Variants in TMCC3 observed in about 807,000 individuals in gnomAD.
The protein encoded by TMCC3 is transmembrane and coiled-coil domain protein 3.
TMCC3 carries 28 observed loss-of-function variants against 40.2 expected under a neutral mutation model. That is an observed-to-expected ratio of 0.70 (90% CI 0.52 to 0.95). The LOEUF is 0.95. Among genes scored for constraint, TMCC3 ranks in the 40% least tolerant of loss-of-function variants. The pLI, the probability that TMCC3 is intolerant of heterozygous loss-of-function variation, is 0.00. For synonymous variants in TMCC3, 255 were observed against 248.5 expected (o/e 1.03, Z -0.25); for missense variants, 554 against 615.2 (o/e 0.90, Z 1.05).
rs1007498690 is a variant in TMCC3, at chr12:94,650,449, A to C, written c.-19T>G. ...CCGGCATCTCCGCGCTCCGGCCGCGAACTTTCCCGTCTTCTGGGGCTGCCG... is the reference window on the plus strand; with the variant it reads ...CCGGCATCTCCGCGCTCCGGCCGCGCACTTTCCCGTCTTCTGGGGCTGCCG... On this transcript the variant is annotated 5_prime_UTR_variant, in exon 1 of 4. Transcript: ENST00000261226. 61 of 1,274,118 alleles carry C rather than the reference A, an allele frequency of 4.8e-5. No homozygotes were observed. The highest frequency in any genetic ancestry group is 5.6e-5 in the Non-Finnish European group (56 of 1,004,684). The allele number at this position is 1,274,118 out of a possible 1,614,324, so 78.9% of individuals were successfully genotyped here. A position where few individuals can be genotyped will look rare whatever the true frequency, so the allele number is the denominator to read the frequency against.
chr12:94,595,277 A>G (rs1236176198), intron 1 of TMCC3, among the ~76,000 whole-genome samples: 1 of 152,190 alleles, frequency 6.6e-6, no homozygotes, highest in African/African-American at 2.4e-5. Flanking sequence ...TAGGTATGTC[A>G]TCTTGCCCAG....
chr12:94,601,277 G>A (rs1193690071), intron 1 of TMCC3, among the ~76,000 whole-genome samples: 1 of 152,200 alleles, frequency 6.6e-6, no homozygotes, highest in African/African-American at 2.4e-5. Flanking sequence ...CACTTTGGGA[G>A]GCTGAGGCGG....
intron 3 of TMCC3, among the ~76,000 whole-genome samples, chr12:94,577,963 A>G (rs1289905843): frequency 5.3e-5 from 8 of 151,908 alleles, no homozygotes; most frequent in Admixed American, 5.2e-4. Flanking sequence ...CCTGGCCAAC[A>G]TGGTGAAACC....
intron 1 of TMCC3, among the ~76,000 whole-genome samples, chr12:94,623,367 A>G (rs2138870020): frequency 6.6e-6 from 1 of 152,282 alleles, no homozygotes; most frequent in Admixed American, 6.5e-5. Context: ...AGGCAATGCC[A>G]CCTCTGTTTG....
At chr12:94,628,928 T>C (rs2068917763) in intron 1 of TMCC3, among the ~76,000 whole-genome samples, 1 of 152,190 alleles carries the variant, frequency 6.6e-6, no homozygotes, top group Admixed American at 6.5e-5. Context: ...TTCTTGAGTT[T>C]GCGTCATTCT....
chr12:94,645,788 T>C (rs938331031), intron 1 of TMCC3, among the ~76,000 whole-genome samples: 1 of 152,130 alleles, frequency 6.6e-6, no homozygotes, highest in Non-Finnish European at 1.5e-5. Flanking sequence ...AATAGAAATA[T>C]CTGAAATCAG....
chr12:94,644,592 T>C (rs2069008274), intron 1 of TMCC3, among the ~76,000 whole-genome samples: 1 of 152,232 alleles, frequency 6.6e-6, no homozygotes, highest in African/African-American at 2.4e-5. Context: ...CGCATCACTT[T>C]GCTCATCCTA....
At chr12:94,623,554 T>C (rs1248962725) in intron 1 of TMCC3, among the ~76,000 whole-genome samples, 1 of 152,252 alleles carries the variant, frequency 6.6e-6, no homozygotes, top group Non-Finnish European at 1.5e-5. Context: ...CAGGAGCGAA[T>C]TCACAGCCTG....
intron 1 of TMCC3, among the ~76,000 whole-genome samples, chr12:94,599,524 A>G (rs1280168801): frequency 6.6e-6 from 1 of 151,632 alleles, no homozygotes; most frequent in East Asian, 1.9e-4. Flanking sequence ...AGTTTCAATG[A>G]ACCTGAACAG....
intron 1 of TMCC3, among the ~76,000 whole-genome samples, chr12:94,591,568 G>A (rs867115138): frequency 2.4e-4 from 37 of 152,150 alleles, no homozygotes; most frequent in Middle Eastern, 3.4e-3. Flanking sequence ...TGGGCAATAT[G>A]GTGAAACCCT....
At chr12:94,619,099 A>G (rs1273944302) in intron 1 of TMCC3, among the ~76,000 whole-genome samples, 1 of 152,140 alleles carries the variant, frequency 6.6e-6, no homozygotes, top group East Asian at 1.9e-4. Flanking sequence ...CCCTTTAAAC[A>G]TGACTTTGAC....
At chr12:94,633,351 C>A (rs1192209885) in intron 1 of TMCC3, among the ~76,000 whole-genome samples, 1 of 152,056 alleles carries the variant, frequency 6.6e-6, no homozygotes, top group Non-Finnish European at 1.5e-5. Flanking sequence ...CCATTTATTT[C>A]TTAAAAACAA....
intron 1 of TMCC3, among the ~76,000 whole-genome samples, chr12:94,619,845 C>G (rs1416096914): frequency 6.6e-6 from 1 of 152,134 alleles, no homozygotes. Context: ...TGTGTCAAGA[C>G]TATTTCTGTA....
chr12:94,582,453 G>A lies in TMCC3; in HGVS notation c.164C>T (p.Pro55Leu), dbSNP rs754506517. The A allele has an allele frequency of 4.0e-5, 65 of 1,613,592 alleles. No homozygotes were observed. Among genetic ancestry groups the A allele is most frequent in the Admixed American group, 1.8e-4 (11 of 59,938 alleles). ...CTTGTGGAAGTCCAGGATGCCATCC[G>A]GGACATCAAAGTTGAGGTTGGTGTC... is the stretch of plus-strand genomic sequence containing the variant. ...GSDTNLNFDV[P>L]DGILDFHKVK... The change falls in exon 2 of 4, where the codon CCG becomes CTG. Residue 55 changes from proline to leucine, a missense_variant. Pro to Leu is a moderately conservative substitution (Grantham distance 98). Transcript: ENST00000261226.
chr12:94,590,829 C>A, intron 1 of TMCC3: 1 of 510,670 alleles, frequency 2.0e-6, no homozygotes, highest in East Asian at 4.9e-5. Context: ...ACATGGGGGA[C>A]GATGTGCACC....
intron 1 of TMCC3, among the ~76,000 whole-genome samples, chr12:94,642,463 T>G (rs1208149285): frequency 1.3e-5 from 2 of 152,246 alleles, no homozygotes; most frequent in African/African-American, 4.8e-5. Context: ...TCTAGTTGCT[T>G]TAAACTGCCC....
chr12:94,608,091 T>C (rs1331322175), intron 1 of TMCC3, among the ~76,000 whole-genome samples: 4 of 152,218 alleles, frequency 2.6e-5, no homozygotes, highest in East Asian at 3.8e-4. Context: ...AGTGAATATA[T>C]ACTTCATATT....
chr12:94,586,569 A>G (rs1258968963), intron 1 of TMCC3, among the ~76,000 whole-genome samples: 1 of 152,242 alleles, frequency 6.6e-6, no homozygotes, highest in Non-Finnish European at 1.5e-5. Flanking sequence ...GGCATTCTCT[A>G]TTGAGAAGTC....
At chr12:94,631,279 T>C (rs1029991266) in intron 1 of TMCC3, among the ~76,000 whole-genome samples, 2 of 152,142 alleles carry the variant, frequency 1.3e-5, no homozygotes, top group Non-Finnish European at 2.9e-5. Flanking sequence ...CTAGGGGATA[T>C]GGGCTGATTT....
Sources: allele counts gnomAD v4.1 joint callset (sites outside exome capture counted in the v4.1 genomes callset), GRCh38; gene constraint gnomAD v4.1.1; transcripts MANE v1.5; gene names NCBI Gene and HGNC (gene_info 2026-07-23, HGNC 2026-07-21).